The following NPAP1 variants were observed in gnomAD, a reference collection of about 807,000 sequenced individuals.
NPAP1 encodes the protein nuclear pore associated protein 1.
For synonymous variants in NPAP1, 616 were observed against 581.4 expected (o/e 1.06, Z -0.86); for missense variants, 1,483 against 1,454.5 (o/e 1.02, Z -0.32).
rs1413281037 is a variant in NPAP1, at chr15:24,678,454, A to T, written c.2587A>T (p.Ser863Cys). Residue 863 changes from serine to cysteine, a missense_variant, in exon 1 of 1, where the codon AGT becomes TGT. By Grantham distance (112) the Ser-to-Cys change is moderately radical. Transcript: ENST00000329468. ...TCCTGGTTCTGGGAACACACTACAC[A>T]GTGACAGCATTGCCTCAGCCCAAGT... The part of the protein sequence containing the change: ...GLPGSGNTLH[S>C]DSIASAQVST... The T allele has an allele frequency of 1.2e-6, 2 of 1,614,140 alleles. No homozygotes were observed. Among genetic ancestry groups the T allele is most frequent in the Non-Finnish European group, 1.7e-6 (2 of 1,180,022 alleles).
rs2048992719 is a variant in NPAP1 at position 24,678,428 on chromosome 15, T to G, written c.2561T>G (p.Leu854Arg). 4.3e-6 allele frequency: 7 copies of G among 1,614,162 alleles called. No individual in the cohort carries two copies. The East Asian group carries it at 1.6e-4, about 36-fold the overall frequency. Residue 854 changes from leucine to arginine, a missense_variant, in exon 1 of 1, where the codon CTT becomes CGT. Physicochemically the swap from Leu to Arg is moderately radical, Grantham distance 102 (BLOSUM62 -2). Transcript: ENST00000329468. ...GAGTACATCCGATTTTATATGGGGC[T>G]TCCTGGTTCTGGGAACACACTACAC... ...KEEYIRFYMGLPGSGNTLHSD... is the reference protein window; with the variant it reads ...KEEYIRFYMGRPGSGNTLHSD...
rs578244530 is a variant in NPAP1 at position 24,681,516 on chromosome 15, T to A, written c.*2178T>A. On this transcript the variant is annotated 3_prime_UTR_variant, in exon 1 of 1. Coordinates refer to ENST00000329468, the MANE Select transcript of NPAP1 (RefSeq NM_018958.3). ...CTTTGGGGAGGTGATTAGGTTTAGA[T>A]GAAGTCATGAAAATGAAACCCCCAT... The A allele has an allele frequency of 6.0e-6, 1 of 166,836 alleles. No individual in the cohort carries two copies. Among genetic ancestry groups the A allele is most frequent in the South Asian group, 2.1e-4 (1 of 4,820 alleles). 10.3% of individuals were successfully genotyped at this position (166,836 alleles called of 1,614,324 possible).
In NPAP1 at chr15:24,679,011, C is replaced by T. The variant is rs2141313924; in HGVS notation, c.3144C>T (p.Thr1048=). 1 of 1,614,178 alleles carries T rather than the reference C, an allele frequency of 6.2e-7. No individual in the cohort carries two copies. Among genetic ancestry groups the T allele is most frequent in the South Asian group, 1.1e-5 (1 of 91,080 alleles). ...AAGGACAGAGTGGGACACCCAGCAC[C>T]ACTTCTGTTTTCCCATTTGGTCAGG... ...IGQGQSGTPS[T]TSVFPFGQAA... is the part of the protein sequence containing the mutation. Residue 1048 remains threonine (T), a synonymous_variant, in exon 1 of 1, where the codon ACC becomes ACT. Coordinates refer to ENST00000329468, the MANE Select transcript of NPAP1 (RefSeq NM_018958.3).
chr15:24,677,836 C>A lies in NPAP1; in HGVS notation c.1969C>A (p.Gln657Lys). The change falls in exon 1 of 1, where the codon CAG (glutamine) becomes AAG (lysine). Residue 657 changes from glutamine to lysine, a missense_variant. Gln to Lys is a moderately conservative substitution (Grantham distance 53, BLOSUM62 1). Transcript: ENST00000329468. Reference protein sequence around the residue: ...PKFEAPDGQPQKASLPSACVF... With the variant: ...PKFEAPDGQPKKASLPSACVF... Reference sequence around the variant, plus strand: ...ATTTGAGGCTCCTGATGGGCAGCCGCAGAAAGCTTCTCTCCCCAGTGCCTG... The same window carrying A: ...ATTTGAGGCTCCTGATGGGCAGCCGAAGAAAGCTTCTCTCCCCAGTGCCTG... 6.2e-7 allele frequency: 1 copy of A among 1,614,012 alleles called. No individual in the cohort carries two copies. Among genetic ancestry groups the A allele is most frequent in the Non-Finnish European group, 8.5e-7 (1 of 1,180,016 alleles).
Position 24,677,118 on chromosome 15 carries a change from T to A in NPAP1, c.1251T>A (p.Thr417=), listed in dbSNP as rs1213813587. 7.4e-6 allele frequency: 12 copies of A among 1,613,960 alleles called. No individual in the cohort carries two copies. The highest frequency in any genetic ancestry group is 9.3e-6 in the Non-Finnish European group (11 of 1,180,034). ...TTDSLPLTTY[T]SQVSAPLPIP... is the part of the protein sequence containing the mutation. ...ACTCCCTGCCCCTGACCACTTACAC[T>A]TCCCAGGTCTCAGCTCCTTTGCCCA... Residue 417 remains threonine, a synonymous_variant, in exon 1 of 1, where the codon ACT becomes ACA. Transcript: ENST00000329468.
At position 24,677,110 on chromosome 15, in the gene NPAP1, A is replaced by T. The variant is rs928513103; in HGVS notation, c.1243A>T (p.Thr415Ser). The change falls in exon 1 of 1, where the codon ACT becomes TCT. Residue 415 changes from threonine (T) to serine (S), a missense_variant. Transcript: ENST00000329468. The part of the protein sequence containing the change: ...VQTTDSLPLT[T>S]YTSQVSAPLP... The stretch of plus-strand genomic sequence containing the variant: ...GACCACAGACTCCCTGCCCCTGACC[A>T]CTTACACTTCCCAGGTCTCAGCTCC... The T allele has an allele frequency of 6.2e-7, 1 of 1,613,964 alleles. No individual in the cohort carries two copies. Among genetic ancestry groups the T allele is most frequent in the Non-Finnish European group, 8.5e-7 (1 of 1,179,990 alleles).
In NPAP1 at chr15:24,677,526, C is replaced by A. The variant is rs1235646996; in HGVS notation, c.1659C>A (p.Val553=). 6.2e-7 allele frequency: 1 copy of A among 1,614,184 alleles called. No individual in the cohort carries two copies. Among genetic ancestry groups the A allele is most frequent in the South Asian group, 1.1e-5 (1 of 91,076 alleles). ...ITSKPMNSTS[V]ISTVTTNASA... is the part of the protein sequence containing the mutation. ...GCAAGCCTATGAATTCCACGTCAGT[C>A]ATTTCCACTGTCACAACAAACGCAT... Residue 553 remains valine (V), a synonymous_variant, in exon 1 of 1, where the codon GTC becomes GTA. Transcript: ENST00000329468.
chr15:24,683,219 G>T lies in NPAP1; in HGVS notation c.*3881G>T. 1 of 172,390 alleles carries T rather than the reference G, an allele frequency of 5.8e-6. No individual in the cohort carries two copies. Among genetic ancestry groups the T allele is most frequent in the Non-Finnish European group, 1.3e-5 (1 of 78,768 alleles). 10.7% of individuals were successfully genotyped at this position (172,390 alleles called of 1,614,324 possible). A position where few individuals can be genotyped will look rare whatever the true frequency, so the allele number is the denominator to read the frequency against. ...AAAAGTTCTAAATTGCTAGCCAATC[G>T]GGACAAATACAGAATGTGAGGTCCT... On this transcript the variant is annotated 3_prime_UTR_variant, in exon 1 of 1. Transcript: ENST00000329468.
In NPAP1 at chr15:24,682,412, T is replaced by C. The variant is rs995846375; in HGVS notation, c.*3074T>C. 3 of 166,574 alleles carry C rather than the reference T, an allele frequency of 1.8e-5. No individual in the cohort carries two copies. The highest frequency in any genetic ancestry group is 7.2e-5 in the African/African-American group (3 of 41,470). 10.3% of individuals were successfully genotyped at this position (166,574 alleles called of 1,614,324 possible). On this transcript the variant is annotated 3_prime_UTR_variant, in exon 1 of 1. Transcript: ENST00000329468. ...GGCTTCAAGCTAAATATTATGATCC[T>C]GGTAAGACAAACTTTGAATAAATGT... is the stretch of plus-strand genomic sequence containing the variant.
rs2141307866 is a variant in NPAP1, at chr15:24,676,373, T to C, written c.506T>C (p.Ile169Thr). 1 of 1,563,122 alleles carries C rather than the reference T, an allele frequency of 6.4e-7. No homozygotes were observed. Among genetic ancestry groups the C allele is most frequent in the South Asian group, 1.2e-5 (1 of 80,680 alleles). The change falls in exon 1 of 1, where the codon ATC (isoleucine) becomes ACC (threonine). Residue 169 changes from isoleucine (I) to threonine (T), a missense_variant. By Grantham distance (89) the Ile-to-Thr change is moderately conservative. Transcript: ENST00000329468. The stretch of plus-strand genomic sequence containing the variant: ...AAGAAGGATGAGGATCCGGTGCAGA[T>C]CGAAGGGGAGGATGACGAGAAAAGG... ...RVKKDEDPVQ[I>T]EGEDDEKRTP...
Position 24,676,391 on chromosome 15 carries a change from A to C in NPAP1, c.524A>C (p.Glu175Ala), listed in dbSNP as rs1302352317. 1 of 1,572,134 alleles carries C rather than the reference A, an allele frequency of 6.4e-7. No homozygotes were observed. The highest frequency in any genetic ancestry group is 1.4e-5 in the African/African-American group (1 of 73,268). The change falls in exon 1 of 1, where the codon GAG becomes GCG. Residue 175 changes from glutamate (E) to alanine (A), a missense_variant. Glu to Ala is a moderately radical substitution (Grantham distance 107, BLOSUM62 -1). Transcript: ENST00000329468. Reference sequence around the variant, plus strand: ...GTGCAGATCGAAGGGGAGGATGACGAGAAAAGGACCCCCCTTAGCAGCGGA... The same window carrying C: ...GTGCAGATCGAAGGGGAGGATGACGCGAAAAGGACCCCCCTTAGCAGCGGA... ...DPVQIEGEDDEKRTPLSSGEA... is the reference protein window; with the variant it reads ...DPVQIEGEDDAKRTPLSSGEA...
rs943939293 is a variant in NPAP1 at position 24,683,158 on chromosome 15, C to G, written c.*3820C>G. The G allele has an allele frequency of 1.6e-5, 3 of 187,630 alleles. No homozygotes were observed. The East Asian group carries it at 4.8e-4, about 30-fold the overall frequency. 11.6% of individuals were successfully genotyped at this position (187,630 alleles called of 1,614,324 possible). On this transcript the variant is annotated 3_prime_UTR_variant, in exon 1 of 1. Coordinates refer to ENST00000329468, the MANE Select transcript of NPAP1 (RefSeq NM_018958.3). Reference sequence around the variant, plus strand: ...TTCTCAGCATTCCACAAGTTACTTCCTCATTCCTTTGTTCTCCTCTACCTT... The same window carrying G: ...TTCTCAGCATTCCACAAGTTACTTCGTCATTCCTTTGTTCTCCTCTACCTT...
At position 24,676,425 on chromosome 15, in the gene NPAP1, G is replaced by A. The variant is rs139317336; in HGVS notation, c.558G>A (p.Ser186=). The stretch of plus-strand genomic sequence containing the variant: ...CCCCCCTTAGCAGCGGAGAAGCATC[G>A]TCCACATCCAGGTCCCAGGGCACCC... ...KRTPLSSGEA[S]STSRSQGTQG... The change falls in exon 1 of 1, where the codon TCG becomes TCA. Residue 186 remains serine (S), a synonymous_variant. Transcript: ENST00000329468. 7 of 1,609,654 alleles carry A rather than the reference G, an allele frequency of 4.3e-6. No individual in the cohort carries two copies. The highest frequency in any genetic ancestry group is 2.7e-5 in the African/African-American group (2 of 74,768).
At position 24,677,425 on chromosome 15, in the gene NPAP1, T is replaced by A. The variant is rs771999564; in HGVS notation, c.1558T>A (p.Cys520Ser). ...CACAAGGGAGTCCCCAATATCTATG[T>A]GTGTGGATTCCCCTCCTCCTCTTTC... ...PVTRESPISM[C>S]VDSPPPLSFL... is the part of the protein sequence containing the mutation. The change falls in exon 1 of 1, where the codon TGT (cysteine) becomes AGT (serine). Residue 520 changes from cysteine (C) to serine (S), a missense_variant. Cys to Ser is a moderately radical substitution (Grantham distance 112). Transcript: ENST00000329468. The A allele has an allele frequency of 9.9e-6, 16 of 1,614,104 alleles. No individual in the cohort carries two copies. In the South Asian group the frequency reaches 1.2e-4, roughly 12 times the overall value.
Position 24,682,649 on chromosome 15 carries a change from T to C in NPAP1, c.*3311T>C, listed in dbSNP as rs902380853. On this transcript the variant is annotated 3_prime_UTR_variant, in exon 1 of 1. Coordinates refer to ENST00000329468, the MANE Select transcript of NPAP1 (RefSeq NM_018958.3). ...GTCACTCCCATAGTTCTGAGTTTGC[T>C]TTTTTACTTCAACTATTATGTTATC... is the stretch of plus-strand genomic sequence containing the variant. The C allele has an allele frequency of 6.0e-6, 1 of 167,082 alleles. No individual in the cohort carries two copies. The highest frequency in any genetic ancestry group is 2.4e-5 in the African/African-American group (1 of 41,476). 10.3% of individuals were successfully genotyped at this position (167,082 alleles called of 1,614,324 possible).
chr15:24,676,031 C>G lies in NPAP1; in HGVS notation c.164C>G (p.Ala55Gly), dbSNP rs1277215781. ...RPFRGLFRRNARRRPSAASIF... is the reference protein window; with the variant it reads ...RPFRGLFRRNGRRRPSAASIF... ...TTCCGCGGCCTGTTCCGCCGGAACG[C>G]CCGTCGCAGGCCTTCAGCAGCCAGC... Residue 55 changes from alanine to glycine, a missense_variant, in exon 1 of 1, where the codon GCC becomes GGC. Coordinates refer to ENST00000329468, the MANE Select transcript of NPAP1 (RefSeq NM_018958.3). The G allele has an allele frequency of 6.3e-7, 1 of 1,597,302 alleles. No individual in the cohort carries two copies. The highest frequency in any genetic ancestry group is 8.5e-7 in the Non-Finnish European group (1 of 1,173,290).
Position 24,678,877 on chromosome 15 carries a change from G to C in NPAP1, c.3010G>C (p.Gly1004Arg), listed in dbSNP as rs1470992763. ...STLLVGNTIP[G>R]PQVIMGPGTP... The stretch of plus-strand genomic sequence containing the variant: ...CTTACTGGTTGGAAATACTATTCCA[G>C]GCCCACAAGTGATTATGGGACCTGG... The change falls in exon 1 of 1, where the codon GGC (glycine) becomes CGC (arginine). Residue 1004 changes from glycine to arginine, a missense_variant. By Grantham distance (125) the Gly-to-Arg change is moderately radical. Coordinates refer to ENST00000329468, the MANE Select transcript of NPAP1 (RefSeq NM_018958.3). 1 of 1,614,048 alleles carries C rather than the reference G, an allele frequency of 6.2e-7. No individual in the cohort carries two copies. The highest frequency in any genetic ancestry group is 8.5e-7 in the Non-Finnish European group (1 of 1,180,038).
In NPAP1 at chr15:24,677,835, G is replaced by T. The variant is rs141727813; in HGVS notation, c.1968G>T (p.Pro656=). The change falls in exon 1 of 1, where the codon CCG becomes CCT. Residue 656 remains proline (P), a synonymous_variant. Coordinates refer to ENST00000329468, the MANE Select transcript of NPAP1 (RefSeq NM_018958.3). ...AATTTGAGGCTCCTGATGGGCAGCC[G>T]CAGAAAGCTTCTCTCCCCAGTGCCT... ...QPKFEAPDGQ[P]QKASLPSACV... 1 of 1,613,886 alleles carries T rather than the reference G, an allele frequency of 6.2e-7. No homozygotes were observed. The highest frequency in any genetic ancestry group is 2.2e-5 in the East Asian group (1 of 44,858).
the NPAP1 span, chr15:24,675,988 GTA>G: frequency 6.2e-7 from 1 of 1,601,474 alleles, no homozygotes; most frequent in Non-Finnish European, 8.5e-7. Flanking sequence ...GGCTCACTCT[GTA>G]CCCACCCCGC....
Sources: gnomAD v4.1 joint callset for allele counts on GRCh38, gnomAD v4.1.1 for gene constraint, MANE v1.5 for transcripts, NCBI Gene and HGNC (gene_info 2026-07-23, HGNC 2026-07-21) for gene names.